Variants in RBM26 observed in about 807,000 individuals in gnomAD.
RBM26 encodes the protein RNA-binding protein 26.
In RBM26, 30 loss-of-function variants were observed where a neutral mutation model predicts 123.6. The observed-to-expected ratio is 0.24, with a 90% CI of 0.18 to 0.33. The LOEUF is 0.33. Among genes scored for constraint, RBM26 ranks in the 10% least tolerant of loss-of-function variants. RBM26 has a pLI of 1.00. For synonymous variants in RBM26, 400 were observed against 404.4 expected (o/e 0.99, Z 0.13); for missense variants, 947 against 1,203.6 (o/e 0.79, Z 3.15).
intron 21 of RBM26, among the ~76,000 whole-genome samples, chr13:79,321,380 A>G (rs989823078): frequency 6.6e-6 from 1 of 151,482 alleles, no homozygotes; most frequent in East Asian, 1.9e-4. Context: ...ATGGATATGT[A>G]TAACAGCCTT....
At chr13:79,387,289 T>C (rs1004134576) in intron 1 of RBM26, among the ~76,000 whole-genome samples, 3 of 7,958 alleles carry the variant, frequency 3.8e-4, no homozygotes, top group Non-Finnish European at 3.6e-3. Context: ...TAATGAACTA[T>C]GATAAAAAAA....
At chr13:79,334,640 A>C (rs2070005228) in intron 19 of RBM26, among the ~76,000 whole-genome samples, 1 of 152,106 alleles carries the variant, frequency 6.6e-6, no homozygotes, top group African/African-American at 2.4e-5. Context: ...CATACAATTC[A>C]CACTTCCCAG....
downstream of RBM26, among the ~76,000 whole-genome samples, chr13:79,316,057 T>C (rs1298946653): frequency 6.6e-6 from 1 of 151,792 alleles, no homozygotes; most frequent in Non-Finnish European, 1.5e-5. Flanking sequence ...TGCATTAAAT[T>C]TCCATTTGTA....
chr13:79,332,142 C>T lies in RBM26; in HGVS notation c.2820+2202G>A, dbSNP rs113991324. 3.4e-3 allele frequency among the ~76,000 whole-genome samples: 514 copies of T among 152,182 alleles called. 4 individuals are homozygous for T. The highest frequency in any genetic ancestry group is 4.4e-3 in the Non-Finnish European group (297 of 68,002). On this transcript the variant is annotated intron_variant, in intron 20 of 21. Coordinates refer to ENST00000438737, the MANE Select transcript of RBM26 (RefSeq NM_001366735.2). ...TCATTCAGTCATCTAGGATAATGGT[C>T]CAGAAAACAAGAACAATGTAATGTT...
rs138969065 is a variant in RBM26 at position 79,366,765 on chromosome 13, G to A, written c.1003C>T (p.Pro335Ser). The stretch of plus-strand genomic sequence containing the variant: ...GGAGGTGGTCCTTCAACAACAGGAG[G>A]CTGTGCTGGGAAAGGCAGCATACCA... The part of the protein sequence containing the change: ...LPGMLPFPAQ[P>S]PVVEGPPPPG... Residue 335 changes from proline (P) to serine (S), a missense_variant, in exon 7 of 22, where the codon CCT (proline) becomes TCT (serine). Physicochemically the swap from Pro to Ser is moderately conservative, Grantham distance 74. This residue lies in a region of RBM26 where 493 missense variants were observed against 563.1 expected (regional missense o/e 0.88). Coordinates refer to ENST00000438737, the MANE Select transcript of RBM26 (RefSeq NM_001366735.2). The A allele has an allele frequency of 3.1e-5, 50 of 1,613,906 alleles. No homozygotes were observed. Among genetic ancestry groups the A allele is most frequent in the Non-Finnish European group, 4.2e-5 (49 of 1,179,928 alleles).
chr13:79,405,742 C>G lies in RBM26; in HGVS notation c.33G>C (p.Glu11Asp). 1 of 1,599,468 alleles carries G rather than the reference C, an allele frequency of 6.3e-7. No individual in the cohort carries two copies. The highest frequency in any genetic ancestry group is 8.5e-7 in the Non-Finnish European group (1 of 1,172,554). Residue 11 changes from glutamate (E) to aspartate (D), a missense_variant, in exon 1 of 22, where the codon GAG (glutamate) becomes GAC (aspartate). Coordinates refer to ENST00000438737, the MANE Select transcript of RBM26 (RefSeq NM_001366735.2). Reference protein sequence around the residue: MVSKMIIENFEALKSWLSKTL... With the variant: MVSKMIIENFDALKSWLSKTL... ...TCTTGCTGAGCCAGGACTTGAGTGC[C>G]TCGAAGTTTTCAATGATCATTTTAG...
At chr13:79,396,236 T>TAAG (rs2078549236) in intron 1 of RBM26, among the ~76,000 whole-genome samples, 1 of 4,102 alleles carries the variant, frequency 2.4e-4, no homozygotes, top group Admixed American at 6.0e-3. Flanking sequence ...AGGTTCCACT[T>TAAG]TAAGAGGAAA....
chr13:79,391,948 A>G (rs2078034380), intron 1 of RBM26, among the ~76,000 whole-genome samples: 1 of 147,182 alleles, frequency 6.8e-6, no homozygotes, highest in South Asian at 2.1e-4. Context: ...ATTATATATT[A>G]TACAAGAATA....
At chr13:79,380,525 T>C (rs537563993) in intron 1 of RBM26, among the ~76,000 whole-genome samples, 15 of 152,090 alleles carry the variant, frequency 9.9e-5, no homozygotes, top group African/African-American at 3.4e-4. Flanking sequence ...AATAATTGTA[T>C]GTATTCATAG....
intron 14 of RBM26, among the ~76,000 whole-genome samples, chr13:79,345,902 T>C (rs973442850): frequency 6.6e-6 from 1 of 152,168 alleles, no homozygotes; most frequent in Non-Finnish European, 1.5e-5. Context: ...AAAAACAGTT[T>C]AAGTTCCACG....
chr13:79,353,075 GA>G (rs1419684588), intron 14 of RBM26, 77 bp downstream of exon 14: 25 of 819,060 alleles, frequency 3.1e-5, no homozygotes, highest in Middle Eastern at 2.3e-4. Context: ...TTAGAACTAT[GA>G]AAAAAAATTA....
chr13:79,337,400 G>T, intron 18 of RBM26, 98 bp from the exon 19 acceptor site: 1 of 1,356,950 alleles, frequency 7.4e-7, no homozygotes, highest in South Asian at 1.3e-5. Flanking sequence ...AATGCAATTT[G>T]ACAATGTATT....
chr13:79,387,860 A>G lies in RBM26; in HGVS notation c.72-8953T>C, dbSNP rs977197438. On this transcript the variant is annotated intron_variant, in intron 1 of 21. Coordinates refer to ENST00000438737, the MANE Select transcript of RBM26 (RefSeq NM_001366735.2). ...TAGAAACATTTTGTGTATTTCTCCT[A>G]AATTGCCAGACCTATATAATTTCTG... Among the ~76,000 whole-genome samples the G allele has an allele frequency of 2.0e-5, 3 of 152,290 alleles. No homozygotes were observed. The East Asian group carries it at 5.8e-4, about 29-fold the overall frequency.
In RBM26 at chr13:79,405,858, C is replaced by T; in HGVS notation, c.-84G>A. On this transcript the variant is annotated 5_prime_UTR_variant, in exon 1 of 22. Transcript: ENST00000438737. ...GCCGCCGCTGCCCCCGCCCCCTCCTCCGCGCGCCGCCCGCGTGGGCCGCGG... is the reference window on the plus strand; with the variant it reads ...GCCGCCGCTGCCCCCGCCCCCTCCTTCGCGCGCCGCCCGCGTGGGCCGCGG... The T allele has an allele frequency of 1.3e-6, 1 of 799,282 alleles. No individual in the cohort carries two copies. The highest frequency in any genetic ancestry group is 1.8e-5 in the African/African-American group (1 of 55,404). 49.5% of individuals were successfully genotyped at this position (799,282 alleles called of 1,614,324 possible). A position where few individuals can be genotyped will look rare whatever the true frequency, so the allele number is the denominator to read the frequency against.
chr13:79,355,690 A>G (rs926384084), intron 11 of RBM26, among the ~76,000 whole-genome samples: 22 of 152,230 alleles, frequency 1.4e-4, no homozygotes, highest in African/African-American at 5.1e-4. Flanking sequence ...ATGAGAAACA[A>G]TCCCTATTGT....
intron 18 of RBM26, among the ~76,000 whole-genome samples, chr13:79,340,334 T>C (rs1051354204): frequency 2.0e-5 from 3 of 152,008 alleles, no homozygotes; most frequent in Admixed American, 1.3e-4. Context: ...AAGTCTTTAA[T>C]ACCTGGATGG....
intron 8 of RBM26, 46 bp from the exon 9 acceptor site, chr13:79,365,764 C>T: frequency 1.9e-6 from 3 of 1,559,926 alleles, no homozygotes; most frequent in South Asian, 2.3e-5. Flanking sequence ...TAAAACTCCA[C>T]TTGGTAATTT....
intron 1 of RBM26, among the ~76,000 whole-genome samples, chr13:79,384,509 G>A (rs747155945): frequency 1.3e-5 from 2 of 151,948 alleles, no homozygotes; most frequent in African/African-American, 2.4e-5. Flanking sequence ...CTTCTTCCTC[G>A]GCCTCCCAAA....
intron 1 of RBM26, among the ~76,000 whole-genome samples, chr13:79,396,315 A>G (rs535349108): frequency 1.5e-4 from 23 of 152,324 alleles, no homozygotes; most frequent in African/African-American, 5.5e-4. Flanking sequence ...AATAGAAAAT[A>G]GAAAAAAAAG....
Sources: allele counts gnomAD v4.1 joint callset (sites outside exome capture counted in the v4.1 genomes callset), GRCh38; gene constraint gnomAD v4.1.1; regional missense constraint gnomAD v4.1.1; transcripts MANE v1.5; gene names NCBI Gene and HGNC (gene_info 2026-07-23, HGNC 2026-07-21).